SYTL3: variants seen among roughly 807,000 people sequenced by gnomAD.
The protein encoded by SYTL3 is synaptotagmin like 3.
SYTL3 carries 88 observed loss-of-function variants against 82.1 expected under a neutral mutation model. The observed-to-expected ratio is 1.07, with a 90% CI of 0.90 to 1.28. The LOEUF (loss-of-function observed/expected upper bound fraction) is 1.28, where lower values mean the gene tolerates loss of function less well. Ranked by LOEUF, SYTL3 falls within the 50% of genes most tolerant of loss-of-function variation. The pLI, the probability that SYTL3 is intolerant of heterozygous loss-of-function variation, is 0.00. For synonymous variants in SYTL3, 311 were observed against 289.4 expected (o/e 1.07, Z -0.76); for missense variants, 831 against 757.6 (o/e 1.10, Z -1.14).
At chr6:158,723,285 T>C (rs1387424662) in intron 10 of SYTL3, among the ~76,000 whole-genome samples, 1 of 151,752 alleles carries the variant, frequency 6.6e-6, no homozygotes, top group African/African-American at 2.4e-5. Flanking sequence ...TTTCACCGTG[T>C]TAGCCAGGTC....
chr6:158,746,654 C>T (rs564935296), intron 12 of SYTL3, among the ~76,000 whole-genome samples: 26 of 151,696 alleles, frequency 1.7e-4, no homozygotes, highest in Admixed American at 1.3e-3. Context: ...TTAGTAGAGA[C>T]GGGGTTTCAC....
chr6:158,737,850 G>A (rs1258265927), intron 11 of SYTL3, among the ~76,000 whole-genome samples: 1 of 152,194 alleles, frequency 6.6e-6, no homozygotes. Flanking sequence ...AGCAGACACA[G>A]CGGTTGAACT....
At chr6:158,686,291 A>G (rs1562375479) in intron 6 of SYTL3, among the ~76,000 whole-genome samples, 1 of 152,224 alleles carries the variant, frequency 6.6e-6, no homozygotes, top group Non-Finnish European at 1.5e-5. Context: ...CAACCTCAGC[A>G]TAAATCATTC....
Position 158,663,010 on chromosome 6 carries a change from A to G in SYTL3, c.-259A>G. The G allele has an allele frequency of 2.8e-6, 1 of 351,944 alleles. No individual in the cohort carries two copies. The highest frequency in any genetic ancestry group is 5.2e-6 in the Non-Finnish European group (1 of 193,456). The allele number at this position is 351,944 out of a possible 1,614,324, so 21.8% of individuals were successfully genotyped here. A position where few individuals can be genotyped will look rare whatever the true frequency, so the allele number is the denominator to read the frequency against. ...AGCTGCTGCAGAACCCGGTGAAAAC[A>G]CCCCCCGGGTAGCACGAGGCTCTGC... On this transcript the variant is annotated 5_prime_UTR_variant, in exon 4 of 18. Coordinates refer to ENST00000611299, the MANE Select transcript of SYTL3 (RefSeq NM_001242394.2).
chr6:158,745,541 T>G lies in SYTL3; in HGVS notation c.917T>G (p.Val306Gly). 1 of 1,613,844 alleles carries G rather than the reference T, an allele frequency of 6.2e-7. No individual in the cohort carries two copies. The highest frequency in any genetic ancestry group is 8.5e-7 in the Non-Finnish European group (1 of 1,179,944). ...ATGGGCAATTTTGACAATGCTAATG[T>G]CACTGGAGAAATAGAATTTGCCATT... is the stretch of plus-strand genomic sequence containing the variant. ...TEMGNFDNAN[V>G]TGEIEFAIHY... The change falls in exon 12 of 18, where the codon GTC becomes GGC. Residue 306 changes from valine to glycine, a missense_variant. Val to Gly is a moderately radical substitution (Grantham distance 109). Coordinates refer to ENST00000611299, the MANE Select transcript of SYTL3 (RefSeq NM_001242394.2).
At chr6:158,694,044 A>G (rs1407488350) in intron 6 of SYTL3, among the ~76,000 whole-genome samples, 1 of 150,028 alleles carries the variant, frequency 6.7e-6, no homozygotes, top group Non-Finnish European at 1.5e-5. Flanking sequence ...TTTTGTTACT[A>G]CTCTCCTTAA....
At chr6:158,738,354 G>A (rs1237637755) in intron 11 of SYTL3, among the ~76,000 whole-genome samples, 2 of 152,082 alleles carry the variant, frequency 1.3e-5, no homozygotes, top group Non-Finnish European at 2.9e-5. Flanking sequence ...AGAAAGAAAA[G>A]AATCAGTTTG....
At chr6:158,715,734 G>A (rs1437029730) in intron 9 of SYTL3, among the ~76,000 whole-genome samples, 2 of 140,028 alleles carry the variant, frequency 1.4e-5, no homozygotes, top group African/African-American at 2.6e-5. Context: ...GACCTTTCCC[G>A]AGTGCTTCCC....
chr6:158,713,158 GTGC>G (rs1562410828), intron 8 of SYTL3, among the ~76,000 whole-genome samples: 1 of 151,974 alleles, frequency 6.6e-6, no homozygotes, highest in Non-Finnish European at 1.5e-5. Flanking sequence ...CAGTACCTAC[GTGC>G]TCATGATGTA....
chr6:158,750,279 A>G (rs971542489), intron 12 of SYTL3, among the ~76,000 whole-genome samples: 2 of 152,210 alleles, frequency 1.3e-5, no homozygotes, highest in Admixed American at 6.5e-5. Flanking sequence ...ATAAAATCCA[A>G]CGTGGTTATT....
rs1248698384 is a variant in SYTL3, at chr6:158,760,745, G to A, written c.1414G>A (p.Gly472Arg). The A allele has an allele frequency of 1.2e-6, 2 of 1,611,884 alleles. No individual in the cohort carries two copies. The highest frequency in any genetic ancestry group is 4.5e-5 in the East Asian group (2 of 44,870). Residue 472 changes from glycine (G) to arginine (R), a missense_variant and splice_region_variant, in exon 15 of 18, where the codon GGG becomes AGG. Physicochemically the swap from Gly to Arg is moderately radical, Grantham distance 125 (BLOSUM62 -2). Transcript: ENST00000611299. Reference protein sequence around the residue: ...RPRKLQEAQEGTDQPSLHGQL... With the variant: ...RPRKLQEAQERTDQPSLHGQL... ...CAGAAAACTCCAAGAGGCTCAAGAA[G>A]GTCAGTGGCCTCCAGCTCCCTGGAC...
At chr6:158,673,451 T>G (rs937519219) in intron 5 of SYTL3, among the ~76,000 whole-genome samples, 1 of 151,066 alleles carries the variant, frequency 6.6e-6, no homozygotes, top group South Asian at 2.1e-4. Context: ...TTTTTTTTTT[T>G]TTTTTTGAGA....
At chr6:158,672,833 C>T (rs909789026) in intron 5 of SYTL3, among the ~76,000 whole-genome samples, 1 of 152,052 alleles carries the variant, frequency 6.6e-6, no homozygotes, top group Non-Finnish European at 1.5e-5. Flanking sequence ...AGGGGTTTCA[C>T]CTTGTTGGTC....
chr6:158,753,185 G>C (rs1183600895), intron 13 of SYTL3, among the ~76,000 whole-genome samples: 1 of 147,822 alleles, frequency 6.8e-6, no homozygotes, highest in Non-Finnish European at 1.5e-5. Flanking sequence ...AGGTTCAAGC[G>C]ATTCTCCTGC....
At chr6:158,741,786 C>T (rs1786961934) in intron 11 of SYTL3, among the ~76,000 whole-genome samples, 1 of 152,212 alleles carries the variant, frequency 6.6e-6, no homozygotes, top group African/African-American at 2.4e-5. Context: ...TCACTCAGCT[C>T]ATGAGGCACC....
At chr6:158,705,564 CG>C (rs145177528) in intron 6 of SYTL3, among the ~76,000 whole-genome samples, 35 of 77,480 alleles carry the variant, frequency 4.5e-4, no homozygotes, top group South Asian at 3.3e-3. Context: ...CATAGAGCAG[CG>C]GGGGGGGACC....
chr6:158,651,009 T>C (rs142012501), intron 1 of SYTL3, among the ~76,000 whole-genome samples: 1 of 152,208 alleles, frequency 6.6e-6, no homozygotes, highest in African/African-American at 2.4e-5. Flanking sequence ...CCAAGATAGT[T>C]GGAGATTCTA....
intron 6 of SYTL3, among the ~76,000 whole-genome samples, chr6:158,705,981 G>A (rs1366496064): frequency 6.6e-6 from 1 of 152,158 alleles, no homozygotes; most frequent in Non-Finnish European, 1.5e-5. Context: ...GCTTGGACCT[G>A]GATGTTTTCT....
In SYTL3 at chr6:158,673,533, A is replaced by G. The variant is rs184505902; in HGVS notation, c.329+7920A>G. On this transcript the variant is annotated intron_variant, in intron 5 of 17. Transcript: ENST00000611299. The stretch of plus-strand genomic sequence containing the variant: ...CGGCTCACTGCCAGCTCCACCTCCC[A>G]GGTTCACGCCATTCTCCTGTCTCAG... Among the ~76,000 whole-genome samples, 1,124 of 146,448 alleles carry G rather than the reference A, an allele frequency of 7.7e-3. 4 individuals carry two copies. Among genetic ancestry groups the G allele is most frequent in the Non-Finnish European group, 0.013 (877 of 67,076 alleles).
Sources: allele counts gnomAD v4.1 joint callset (sites outside exome capture counted in the v4.1 genomes callset), GRCh38; gene constraint gnomAD v4.1.1; transcripts MANE v1.5; gene names NCBI Gene and HGNC (gene_info 2026-07-23, HGNC 2026-07-21).